The following IQCH variants were observed in gnomAD, a reference collection of about 807,000 sequenced individuals.
IQCH encodes the protein IQ motif containing H, also known as IQ domain-containing protein H.
Under a neutral mutation model 117.0 loss-of-function variants are expected in IQCH, and 98 were observed. The ratio of observed to expected loss-of-function variants is 0.84; its 90% CI spans 0.71 to 0.99. The LOEUF (loss-of-function observed/expected upper bound fraction) is 0.99, where lower values mean the gene tolerates loss of function less well. IQCH is among the 50% of genes least tolerant of loss of function. The probability of loss-of-function intolerance (pLI) is 0.00; values close to 1 mark genes in which losing one functional copy is unlikely to be tolerated. For synonymous variants in IQCH, 412 were observed against 448.2 expected (o/e 0.92, Z 1.02); for missense variants, 1,102 against 1,243.8 (o/e 0.89, Z 1.72).
chr15:67,500,710 CAA>C lies in IQCH; in HGVS notation c.3050_3051del (p.Lys1017ArgfsTer2), dbSNP rs772129795. The C allele has an allele frequency of 3.8e-6, 6 of 1,599,306 alleles. No individual in the cohort carries two copies. The Admixed American group carries it at 1.0e-4, about 27-fold the overall frequency. On this transcript the variant is annotated frameshift_variant, in exon 21 of 21. Coordinates refer to ENST00000335894, the MANE Select transcript of IQCH (RefSeq NM_001031715.3). LOFTEE classifies it low-confidence loss of function (END_TRUNC). This position sits in a 1 kb window ranked among gnomAD's most constrained non-coding sequence, Gnocchi z 4.4. ...KMRFEEEQQS[K>X]DDKNLSKPKK ...TGAGATTTGAAGAGGAGCAACAGTC[CAA>C]AGATGATAAAAACCTCTCTAAACCC...
At position 67,391,685 on chromosome 15, in the gene IQCH, C is replaced by A. The variant is rs1263791319; in HGVS notation, c.1632+2679C>A. Among the ~76,000 whole-genome samples, 1 of 152,180 alleles carries A rather than the reference C, an allele frequency of 6.6e-6. No homozygotes were observed. The highest frequency in any genetic ancestry group is 2.4e-5 in the African/African-American group (1 of 41,442). The stretch of plus-strand genomic sequence containing the variant: ...ATCTGTGTTAATCCACTGCCTGGAT[C>A]TGATGATACTGATGTTCTCCAAATG... On this transcript the variant is annotated intron_variant, in intron 12 of 20. Coordinates refer to ENST00000335894, the MANE Select transcript of IQCH (RefSeq NM_001031715.3). The surrounding 1 kb of genome is among the most constrained non-coding windows in gnomAD (Gnocchi z 4.3).
chr15:67,266,662 AT>A (rs1965687896), intron 3 of IQCH, among the ~76,000 whole-genome samples: 1 of 152,230 alleles, frequency 6.6e-6, no homozygotes, highest in Non-Finnish European at 1.5e-5. Context: ...GTCTAAAAAA[AT>A]AAATAAATAA....
At chr15:67,302,621 G>A (rs373794906) in intron 4 of IQCH, among the ~76,000 whole-genome samples, 1 of 152,178 alleles carries the variant, frequency 6.6e-6, no homozygotes, top group Non-Finnish European at 1.5e-5. Flanking sequence ...CACTTTGGGA[G>A]GCTAAGGCAG....
In IQCH at chr15:67,373,240, T is replaced by A. The variant is rs1819449833; in HGVS notation, c.1306-127T>A. The A allele has an allele frequency of 5.0e-6, 3 of 598,234 alleles. No individual in the cohort carries two copies. The South Asian group carries it at 7.0e-5, about 14-fold the overall frequency. The allele number at this position is 598,234 out of a possible 1,614,324, so 37.1% of individuals were successfully genotyped here. A position where few individuals can be genotyped will look rare whatever the true frequency, so the allele number is the denominator to read the frequency against. Reference sequence around the variant, plus strand: ...AATTAATTGGGGAAGATGTTTTAAGTATGTAATTAAATCAATTAATATAAT... The same window carrying A: ...AATTAATTGGGGAAGATGTTTTAAGAATGTAATTAAATCAATTAATATAAT... On this transcript the variant is annotated intron_variant, in intron 9 of 20. Coordinates refer to ENST00000335894, the MANE Select transcript of IQCH (RefSeq NM_001031715.3).
At chr15:67,318,225 C>A (rs956302949) in intron 4 of IQCH, among the ~76,000 whole-genome samples, 3 of 152,180 alleles carry the variant, frequency 2.0e-5, no homozygotes, top group Admixed American at 6.5e-5. Context: ...TCCTTTCCTT[C>A]CTTCTCCCTT....
At chr15:67,450,136 G>C (rs1468683784) in intron 16 of IQCH, among the ~76,000 whole-genome samples, 1 of 152,142 alleles carries the variant, frequency 6.6e-6, no homozygotes, top group Non-Finnish European at 1.5e-5. Flanking sequence ...AGATGAAGGG[G>C]TTTTCTAGAT....
In IQCH at chr15:67,390,114, CAG is replaced by C. The variant is rs1459781670; in HGVS notation, c.1632+1109_1632+1110del. On this transcript the variant is annotated intron_variant, in intron 12 of 20. Transcript: ENST00000335894. This position sits in a 1 kb window ranked among gnomAD's most constrained non-coding sequence, Gnocchi z 5.0. ...TGACTGTGAAAGAGGAAGGTAAGGA[CAG>C]GGGCTGGGGAAGCAAAAGAAAGGAC... 6.6e-6 allele frequency among the ~76,000 whole-genome samples: 1 copy of C among 152,128 alleles called. No individual in the cohort carries two copies. Among genetic ancestry groups the C allele is most frequent in the Non-Finnish European group, 1.5e-5 (1 of 68,018 alleles).
At chr15:67,437,732 A>G (rs1378568018) in intron 16 of IQCH, among the ~76,000 whole-genome samples, 1 of 152,214 alleles carries the variant, frequency 6.6e-6, no homozygotes, top group East Asian at 1.9e-4. Context: ...CATTGGACAC[A>G]CTTTTAGAAA....
chr15:67,452,343 GT>G (rs1295281145), intron 16 of IQCH, among the ~76,000 whole-genome samples: 4 of 152,194 alleles, frequency 2.6e-5, no homozygotes, highest in African/African-American at 9.7e-5. Flanking sequence ...GATTTGGCAT[GT>G]TTTTGCAGTG....
At chr15:67,303,069 C>G (rs1967130257) in intron 4 of IQCH, among the ~76,000 whole-genome samples, 3 of 152,116 alleles carry the variant, frequency 2.0e-5, no homozygotes, top group Non-Finnish European at 2.9e-5. Flanking sequence ...ACAAATCTGT[C>G]CAATTCCTAC....
chr15:67,324,166 C>T (rs1376292606), intron 4 of IQCH, among the ~76,000 whole-genome samples: 2 of 151,656 alleles, frequency 1.3e-5, no homozygotes, highest in Non-Finnish European at 2.9e-5. Context: ...CTGCTGGTCT[C>T]GAACTCCTCA....
intron 4 of IQCH, among the ~76,000 whole-genome samples, chr15:67,296,699 T>A (rs1966854612): frequency 6.6e-6 from 1 of 152,150 alleles, no homozygotes; most frequent in South Asian, 2.1e-4. Flanking sequence ...ACCTAACATT[T>A]CTTTATAATG....
intron 15 of IQCH, among the ~76,000 whole-genome samples, chr15:67,419,741 A>G (rs909273369): frequency 6.6e-6 from 1 of 151,932 alleles, no homozygotes; most frequent in Non-Finnish European, 1.5e-5. Context: ...ACAATTCACA[A>G]TTTTTTTGTA....
intron 6 of IQCH, among the ~76,000 whole-genome samples, chr15:67,355,050 T>A (rs758720248): frequency 3.3e-5 from 5 of 152,206 alleles, no homozygotes; most frequent in African/African-American, 4.8e-5. Context: ...AGAGCTAACA[T>A]TAGGATTATA....
At chr15:67,257,241 A>G (rs900189329) in intron 1 of IQCH, among the ~76,000 whole-genome samples, 2 of 152,164 alleles carry the variant, frequency 1.3e-5, no homozygotes, top group African/African-American at 4.8e-5. Flanking sequence ...AATTGTCCCA[A>G]TTTCCCCAGG....
In IQCH at chr15:67,393,859, T is replaced by C. The variant is rs1971369251; in HGVS notation, c.1633-1432T>C. Among the ~76,000 whole-genome samples the C allele has an allele frequency of 6.6e-6, 1 of 152,192 alleles. No homozygotes were observed. Among genetic ancestry groups the C allele is most frequent in the Non-Finnish European group, 1.5e-5 (1 of 68,034 alleles). On this transcript the variant is annotated intron_variant, in intron 12 of 20. Coordinates refer to ENST00000335894, the MANE Select transcript of IQCH (RefSeq NM_001031715.3). This position sits in a 1 kb window ranked among gnomAD's most constrained non-coding sequence, Gnocchi z 5.5. ...GGGTTTTCTCTGTAATAATAACTAT[T>C]ACCATTTGTTGAGTATCAATGCTGT...
chr15:67,383,765 A>G (rs1038041068), intron 10 of IQCH, among the ~76,000 whole-genome samples: 35 of 152,324 alleles, frequency 2.3e-4, no homozygotes, highest in African/African-American at 8.2e-4. Context: ...TAATTTTTCA[A>G]AAATGATTCG....
At position 67,463,790 on chromosome 15, in the gene IQCH, T is replaced by C. The variant is rs1402601568; in HGVS notation, c.2506-1337T>C. On this transcript the variant is annotated intron_variant, in intron 16 of 20. Transcript: ENST00000335894. This position sits in a 1 kb window ranked among gnomAD's most constrained non-coding sequence, Gnocchi z 4.0. ...TTCCACCCCATTATTTTATCACATATAAAATTCTATTGTTTAATTGGATAT... is the reference window on the plus strand; with the variant it reads ...TTCCACCCCATTATTTTATCACATACAAAATTCTATTGTTTAATTGGATAT... Among the ~76,000 whole-genome samples the C allele has an allele frequency of 1.3e-5, 2 of 152,204 alleles. No homozygotes were observed. The highest frequency in any genetic ancestry group is 3.8e-4 in the East Asian group (2 of 5,202).
Position 67,261,257 on chromosome 15 carries a change from T to A in IQCH, c.52-15T>A. 6.7e-7 allele frequency: 1 copy of A among 1,491,438 alleles called. No individual in the cohort carries two copies. 92.4% of individuals were successfully genotyped at this position (1,491,438 alleles called of 1,614,324 possible). A position where few individuals can be genotyped will look rare whatever the true frequency, so the allele number is the denominator to read the frequency against. ...TGTGGATTATTTCAATATTTTTCAT[T>A]TTTTATACCTATAGATCCATGAAGA... On this transcript the variant is annotated splice_polypyrimidine_tract_variant and intron_variant, in intron 1 of 20. Coordinates refer to ENST00000335894, the MANE Select transcript of IQCH (RefSeq NM_001031715.3).
Sources: gnomAD v4.1 joint callset for allele counts (sites outside exome capture counted in the v4.1 genomes callset) on GRCh38, gnomAD v4.1.1 for gene constraint, Gnocchi (gnomAD v3.1) non-coding constraint, MANE v1.5 for transcripts, NCBI Gene and HGNC (gene_info 2026-07-23, HGNC 2026-07-21) for gene names.